SCART1: variants seen among roughly 807,000 people sequenced by gnomAD.
SCART1 encodes the protein scavenger receptor cysteine-rich domain-containing protein SCART1.
SCART1 carries 62 observed loss-of-function variants against 36.2 expected under a neutral mutation model. That is an observed-to-expected ratio of 1.71 (90% CI 1.40 to 2.12). The LOEUF (loss-of-function observed/expected upper bound fraction) is 2.12, where lower values mean the gene tolerates loss of function less well. Ranked by LOEUF, SCART1 falls within the 30% of genes most tolerant of loss-of-function variation. The pLI, the probability that SCART1 is intolerant of heterozygous loss-of-function variation, is 0.00. For synonymous variants in SCART1, 487 were observed against 238.7 expected (o/e 2.04, Z -9.59); for missense variants, 1,041 against 540.5 (o/e 1.93, Z -9.18).
At chr10:133,463,438 C>T (rs1850726589) in intron 6 of SCART1, among the ~76,000 whole-genome samples, 1 of 151,440 alleles carries the variant, frequency 6.6e-6, no homozygotes, top group East Asian at 1.9e-4. Context: ...ACCCTTTGAC[C>T]TACATCTCCC....
At chr10:133,457,152 C>T in intron 2 of SCART1, 127 bp from the exon 3 acceptor site, 1 of 639,036 alleles carries the variant, frequency 1.6e-6, no homozygotes, top group Non-Finnish European at 2.8e-6. Context: ...GTGTGACTGC[C>T]CGGTCACCTG....
rs2133560389 is a variant in SCART1, at chr10:133,467,180, A to C, written c.2807-18A>C. 1.5e-6 allele frequency: 1 copy of C among 684,744 alleles called. No individual in the cohort carries two copies. The allele number at this position is 684,744 out of a possible 1,614,324, so 42.4% of individuals were successfully genotyped here. ...CCACACTGAGGGCCTGTGTGTGACC[A>C]TGCTCACCTTGCCTCAGGTCTGGGA... is the stretch of plus-strand genomic sequence containing the variant. On this transcript the variant is annotated intron_variant, in intron 10 of 11. Coordinates refer to ENST00000640237, the Ensembl canonical transcript of SCART1.
At chr10:133,460,503 A>ATTTTTTTTTTT (rs1850688430) in intron 6 of SCART1, among the ~76,000 whole-genome samples, 1 of 130,838 alleles carries the variant, frequency 7.6e-6, no homozygotes, top group Non-Finnish European at 1.6e-5. Context: ...TATATTTTAA[A>ATTTTTTTTTTT]AAATATTTTA....
exon 6 of SCART1, chr10:133,459,672 C>T (rs1292373845): frequency 4.3e-6 from 3 of 697,206 alleles, no homozygotes; most frequent in Admixed American, 2.0e-5. Flanking sequence ...TGCCCCCAGC[C>T]GCGGATCCGT....
intron 6 of SCART1, among the ~76,000 whole-genome samples, chr10:133,460,496 A>ATATATATTTTTTTTTT: frequency 7.4e-6 from 1 of 136,016 alleles, no homozygotes; most frequent in South Asian, 2.7e-4. Context: ...ATATTTATAT[A>ATATATATTTTTTTTTT]TTTTAAAAAA....
rs1175807426 is a variant in SCART1 at position 133,458,536 on chromosome 10, T to TCGGGGCC, written c.860_866dup (p.Val290GlyfsTer51). The TCGGGGCC allele has an allele frequency of 1.5e-6, 1 of 675,938 alleles. No individual in the cohort carries two copies. The highest frequency in any genetic ancestry group is 1.8e-5 in the African/African-American group (1 of 55,576). 41.9% of individuals were successfully genotyped at this position (675,938 alleles called of 1,614,324 possible). Reference sequence around the variant, plus strand: ...CGAGGGCGCCCGCTTCGGCCGGGGCTCGGGGCCGGTGTGGACGGAGGCCTT... The same window carrying TCGGGGCC: ...CGAGGGCGCCCGCTTCGGCCGGGGCTCGGGGCCCGGGGCCGGTGTGGACGGAGGCCTT... On this transcript the variant is annotated frameshift_variant, in exon 4 of 12. Coordinates refer to ENST00000640237, the Ensembl canonical transcript of SCART1. LOFTEE classifies it high-confidence loss of function.
At chr10:133,459,578 G>A (rs921197651) in exon 6 of SCART1, 31 of 676,954 alleles carry the variant, frequency 4.6e-5, no homozygotes, top group Non-Finnish European at 6.7e-5. Flanking sequence ...GCCGCGTCCT[G>A]GACGATGCCT....
At chr10:133,463,472 G>T (rs1211598405) in intron 6 of SCART1, among the ~76,000 whole-genome samples, 1 of 146,344 alleles carries the variant, frequency 6.8e-6, no homozygotes, top group Non-Finnish European at 1.5e-5. Context: ...CCTGCCCCTG[G>T]TAACCACATT....
intron 6 of SCART1, among the ~76,000 whole-genome samples, chr10:133,463,173 C>T (rs1464749677): frequency 6.6e-6 from 1 of 152,048 alleles, no homozygotes; most frequent in Non-Finnish European, 1.5e-5. Context: ...GGCACTGATC[C>T]CTCAGGACCA....
At chr10:133,465,980 GC>G in intron 9 of SCART1, 1 of 674,976 alleles carries the variant, frequency 1.5e-6, no homozygotes, top group Non-Finnish European at 2.7e-6. Flanking sequence ...CTTGTGACTT[GC>G]CCTGGCATCT....
At chr10:133,458,606 G>A (rs1260154837) in exon 4 of SCART1, 3 of 697,070 alleles carry the variant, frequency 4.3e-6, no homozygotes, top group South Asian at 3.0e-5. Flanking sequence ...TGCCCACGGG[G>A]GCGTGGGAGC....
chr10:133,465,933 C>T (rs773663781), intron 9 of SCART1: 1 of 672,098 alleles, frequency 1.5e-6, no homozygotes, highest in South Asian at 1.5e-5. Context: ...TGGTAACTTT[C>T]CCTGAGCCAC....
chr10:133,460,025 C>G (rs919759181), exon 6 of SCART1: 1 of 523,176 alleles, frequency 1.9e-6, no homozygotes, highest in East Asian at 3.4e-5. Context: ...CCCTGGGGGC[C>G]GCACACTTCG....
chr10:133,467,126 T>C, intron 10 of SCART1, 72 bp from the exon 11 acceptor site: 1 of 567,472 alleles, frequency 1.8e-6, no homozygotes. Context: ...CTGCCTGGAG[T>C]TGCTGTCCTC....
exon 12 of SCART1, chr10:133,468,065 GC>G (rs1406155105): frequency 5.1e-6 from 3 of 592,958 alleles, no homozygotes; most frequent in Admixed American, 5.0e-5. Context: ...CACCTTGGAT[GC>G]CTTTCTCTTG....
intron 1 of SCART1, 87 bp from the exon 2 acceptor site, chr10:133,456,150 C>T (rs955068196): frequency 4.6e-6 from 3 of 646,428 alleles, no homozygotes; most frequent in African/African-American, 3.6e-5. Flanking sequence ...TGAGGCCTCA[C>T]AGGCCGTTCC....
chr10:133,458,219 A>C (rs535440322), intron 3 of SCART1, 141 bp from the exon 4 acceptor site: 1 of 700,522 alleles, frequency 1.4e-6, no homozygotes, highest in Non-Finnish European at 2.6e-6. Context: ...TGTGGCTGCA[A>C]GTTCCTGCCT....
intron 2 of SCART1, 86 bp downstream of exon 2, chr10:133,456,640 G>A (rs1387546911): frequency 1.7e-6 from 1 of 597,816 alleles, no homozygotes; most frequent in African/African-American, 1.9e-5. Flanking sequence ...CGCAGAGGAG[G>A]ACTGGGAGGA....
chr10:133,462,853 C>T (rs997374129), intron 6 of SCART1, among the ~76,000 whole-genome samples: 6 of 152,128 alleles, frequency 3.9e-5, no homozygotes, highest in African/African-American at 9.7e-5. Flanking sequence ...AAGCCAGCCG[C>T]GATTCAAGGA....
Sources: allele counts gnomAD v4.1 joint callset (sites outside exome capture counted in the v4.1 genomes callset), GRCh38; gene constraint gnomAD v4.1.1; transcripts MANE v1.5; gene names NCBI Gene and HGNC (gene_info 2026-07-23, HGNC 2026-07-21).